The following OR2C1 variants were observed in gnomAD, a reference collection of about 807,000 sequenced individuals.
OR2C1 encodes the protein olfactory receptor 2C1.
For missense variants in OR2C1, 468 were observed against 388.3 expected (o/e 1.21, Z -1.73); for synonymous variants, 209 against 167.3 (o/e 1.25, Z -1.92).
chr16:3,357,455 C>T (rs1027730416), downstream of OR2C1, among the ~76,000 whole-genome samples: 3 of 152,138 alleles, frequency 2.0e-5, no homozygotes, highest in African/African-American at 7.2e-5. Flanking sequence ...CTCACTGCAG[C>T]CTTCAACTCC....
upstream of OR2C1, among the ~76,000 whole-genome samples, chr16:3,353,306 A>G (rs1294487058): frequency 2.6e-5 from 4 of 151,494 alleles, no homozygotes; most frequent in African/African-American, 9.7e-5. Context: ...CCTGGCCAAC[A>G]TGGTCAAAAC....
chr16:3,340,342 C>G, the OR2C1 span, among the ~76,000 whole-genome samples: 2 of 151,972 alleles, frequency 1.3e-5, no homozygotes, highest in African/African-American at 2.4e-5. Context: ...GAGTTGTAGT[C>G]TTTTATATAT....
chr16:3,349,327 C>G, the OR2C1 span, among the ~76,000 whole-genome samples: 2 of 152,184 alleles, frequency 1.3e-5, no homozygotes, highest in Non-Finnish European at 2.9e-5. Flanking sequence ...TCCGGCCACA[C>G]TGGCGCTTTG....
chr16:3,340,697 A>G, the OR2C1 span, among the ~76,000 whole-genome samples: 1 of 152,088 alleles, frequency 6.6e-6, no homozygotes, highest in African/African-American at 2.4e-5. Context: ...TATTGAAGAG[A>G]CTATTCTTTC....
At chr16:3,343,425 A>G in the OR2C1 span, among the ~76,000 whole-genome samples, 2 of 152,142 alleles carry the variant, frequency 1.3e-5, no homozygotes, top group African/African-American at 4.8e-5. Context: ...TTACGTGGAC[A>G]TACATTTACC....
chr16:3,337,510 A>G, the OR2C1 span, among the ~76,000 whole-genome samples: 1 of 151,786 alleles, frequency 6.6e-6, no homozygotes, highest in African/African-American at 2.4e-5. Context: ...CCTCTGCTTG[A>G]TCCATTCTGC....
chr16:3,356,221 A>C lies in OR2C1; in HGVS notation c.281A>C (p.Tyr94Ser). 6.2e-7 allele frequency: 1 copy of C among 1,614,214 alleles called. No homozygotes were observed. Among genetic ancestry groups the C allele is most frequent in the Non-Finnish European group, 8.5e-7 (1 of 1,180,050 alleles). Reference sequence around the variant, plus strand: ...TGGGGACCAGGCAAGACCATCAGCTATGGTGGCTGCATAACCCAGCTCTAT... The same window carrying C: ...TGGGGACCAGGCAAGACCATCAGCTCTGGTGGCTGCATAACCCAGCTCTAT... Reference protein sequence around the residue: ...NLWGPGKTISYGGCITQLYVF... With the variant: ...NLWGPGKTISSGGCITQLYVF... The change falls in exon 1 of 1, where the codon TAT (tyrosine) becomes TCT (serine). Residue 94 changes from tyrosine to serine, a missense_variant. Coordinates refer to ENST00000304936, the MANE Select transcript of OR2C1 (RefSeq NM_012368.3).
At chr16:3,343,848 G>T in the OR2C1 span, among the ~76,000 whole-genome samples, 1 of 152,158 alleles carries the variant, frequency 6.6e-6, no homozygotes, top group Non-Finnish European at 1.5e-5. Flanking sequence ...GTTCAATAAA[G>T]GTCAGCATAG....
chr16:3,332,720 C>CATATATATAT, the OR2C1 span, among the ~76,000 whole-genome samples: 63,856 of 148,150 alleles, frequency 0.43, 14,234 homozygotes, highest in East Asian at 0.54. Flanking sequence ...TATTCTATTG[C>CATATATATAT]ATATATATAT....
At chr16:3,329,040 G>T in the OR2C1 span, among the ~76,000 whole-genome samples, 2 of 151,594 alleles carry the variant, frequency 1.3e-5, no homozygotes, top group South Asian at 4.2e-4. Context: ...TGTCACCCAG[G>T]CAGGAGTACA....
At chr16:3,347,848 A>G in the OR2C1 span, among the ~76,000 whole-genome samples, 120,524 of 149,976 alleles carry the variant, frequency 0.8, 48,178 homozygotes, top group East Asian at 0.92. Context: ...ACACACATGC[A>G]CACGCACACA....
At chr16:3,334,707 T>G in the OR2C1 span, among the ~76,000 whole-genome samples, 1 of 151,984 alleles carries the variant, frequency 6.6e-6, no homozygotes, top group Admixed American at 6.6e-5. Context: ...ATCTGTGTTC[T>G]CTATTCTGCT....
At chr16:3,327,490 A>G in the OR2C1 span, among the ~76,000 whole-genome samples, 15,793 of 151,844 alleles carry the variant, frequency 0.1, 920 homozygotes, top group African/African-American at 0.15. Flanking sequence ...AACTTTACTG[A>G]CAACTTCTCA....
chr16:3,347,748 ACACACACGCACACATATGAACACACATG>A, the OR2C1 span, among the ~76,000 whole-genome samples: 3 of 152,078 alleles, frequency 2.0e-5, no homozygotes, highest in Non-Finnish European at 2.9e-5. Flanking sequence ...AAAGGAGTAC[ACACACACGCACACATATGAACACACATG>A]CACACACGCA....
the OR2C1 span, among the ~76,000 whole-genome samples, chr16:3,333,217 T>TG: frequency 0.08 from 2,120 of 26,512 alleles, 102 homozygotes; most frequent in African/African-American, 0.23. Context: ...GCCCATTTTT[T>TG]TTTTTTTTTT....
the OR2C1 span, among the ~76,000 whole-genome samples, chr16:3,347,408 CT>C: frequency 3.8e-3 from 582 of 151,904 alleles, 2 homozygotes; most frequent in African/African-American, 0.013. Flanking sequence ...TTAAATTAAA[CT>C]AATTAAATTA....
chr16:3,354,279 C>G (rs1596414399), upstream of OR2C1, among the ~76,000 whole-genome samples: 2 of 152,134 alleles, frequency 1.3e-5, no homozygotes, highest in African/African-American at 4.8e-5. Flanking sequence ...GCCACTGTAC[C>G]CGGTCTCATG....
chr16:3,351,882 T>C (rs528379783), upstream of OR2C1, among the ~76,000 whole-genome samples: 1 of 133,034 alleles, frequency 7.5e-6, no homozygotes, highest in Non-Finnish European at 1.6e-5. Context: ...TGCCAAGCAT[T>C]TAGTCTTTTT....
the OR2C1 span, among the ~76,000 whole-genome samples, chr16:3,332,358 A>G: frequency 2.0e-5 from 3 of 152,176 alleles, no homozygotes; most frequent in East Asian, 1.9e-4. Context: ...AGCCTCCCAA[A>G]GCGCTGGGAT....
Sources: gnomAD v4.1 joint callset for allele counts (sites outside exome capture counted in the v4.1 genomes callset) on GRCh38, gnomAD v4.1.1 for gene constraint, MANE v1.5 for transcripts, NCBI Gene and HGNC (gene_info 2026-07-23, HGNC 2026-07-21) for gene names.